Variants in COL13A1 observed in about 807,000 individuals in gnomAD.
The protein encoded by COL13A1 is collagen alpha-1(XIII) chain.
A neutral mutation model predicts 130.9 loss-of-function variants in COL13A1; 89 were observed. That is an observed-to-expected ratio of 0.68 (90% CI 0.57 to 0.81). The LOEUF (loss-of-function observed/expected upper bound fraction) is 0.81. Among genes scored for constraint, COL13A1 ranks in the 30% least tolerant of loss-of-function variants. COL13A1 has a pLI of 0.00. For missense variants in COL13A1, 879 were observed against 934.6 expected, an observed-to-expected ratio of 0.94 and a Z score of 0.78; for synonymous variants, 402 against 341.6, an observed-to-expected ratio of 1.18 and a Z score of -1.95.
In COL13A1 at chr10:69,925,794, T is replaced by G; in HGVS notation, c.1330-10T>G. 1 of 1,589,030 alleles carries G rather than the reference T, an allele frequency of 6.3e-7. No homozygotes were observed. Among genetic ancestry groups the G allele is most frequent in the Non-Finnish European group, 8.6e-7 (1 of 1,167,494 alleles). On this transcript the variant is annotated splice_polypyrimidine_tract_variant and intron_variant, in intron 25 of 40. Coordinates refer to ENST00000645393, the MANE Select transcript of COL13A1 (RefSeq NM_001368882.1). Reference sequence around the variant, plus strand: ...CCAGGCCGTGGGTTGAGATCTCATTTGCCTTCCAGGGCTCCAAGGGAGAAC... The same window carrying G: ...CCAGGCCGTGGGTTGAGATCTCATTGGCCTTCCAGGGCTCCAAGGGAGAAC...
chr10:69,919,235 G>C, intron 20 of COL13A1, 147 bp downstream of exon 20: 1 of 1,004,036 alleles, frequency 1.0e-6, no homozygotes, highest in Non-Finnish European at 1.5e-6. Context: ...CCACTGGTCA[G>C]GAGCACACTG....
intron 34 of COL13A1, among the ~76,000 whole-genome samples, chr10:69,940,745 G>C (rs916002828): frequency 6.6e-6 from 1 of 152,152 alleles, no homozygotes; most frequent in East Asian, 1.9e-4. Flanking sequence ...CATCTGCGCC[G>C]ACCTCCACCC....
intron 17 of COL13A1, among the ~76,000 whole-genome samples, chr10:69,909,235 G>A (rs1186408072): frequency 6.6e-6 from 1 of 152,128 alleles, no homozygotes; most frequent in Non-Finnish European, 1.5e-5. Flanking sequence ...CCACTCCTAG[G>A]TCTCATGAGG....
rs2065457477 is a variant in COL13A1, at chr10:69,927,025, G to A, written c.1399-62G>A. On this transcript the variant is annotated intron_variant, in intron 26 of 40. Transcript: ENST00000645393. ...TCCCATGTTTCCATGACTGTGCAGTGAGAACCTTCCACTTGGCTCTTGGTT... is the reference window on the plus strand; with the variant it reads ...TCCCATGTTTCCATGACTGTGCAGTAAGAACCTTCCACTTGGCTCTTGGTT... 4.3e-6 allele frequency: 7 copies of A among 1,611,438 alleles called. No individual in the cohort carries two copies. In the Admixed American group the frequency reaches 6.7e-5, roughly 15 times the overall value.
chr10:69,824,517 G>C (rs1199059548), intron 2 of COL13A1, among the ~76,000 whole-genome samples: 2 of 152,228 alleles, frequency 1.3e-5, no homozygotes, highest in African/African-American at 4.8e-5. Context: ...GTGGCAGGAG[G>C]GGGAAGGACT....
At chr10:69,944,966 G>C (rs75922838) in intron 36 of COL13A1, among the ~76,000 whole-genome samples, 3,314 of 152,356 alleles carry the variant, frequency 0.022, 82 homozygotes, top group South Asian at 0.099. Flanking sequence ...GTCGATGGAC[G>C]TTGGCCATGT....
intron 1 of COL13A1, among the ~76,000 whole-genome samples, chr10:69,814,863 A>T (rs1315013565): frequency 1.3e-5 from 2 of 152,250 alleles, no homozygotes; most frequent in Admixed American, 1.3e-4. Context: ...GGCATGCACT[A>T]ATAATGTCAA....
At chr10:69,807,078 C>A (rs1336942451) in intron 1 of COL13A1, among the ~76,000 whole-genome samples, 1 of 152,204 alleles carries the variant, frequency 6.6e-6, no homozygotes, top group Non-Finnish European at 1.5e-5. Flanking sequence ...AGGGTCTCAG[C>A]AGCCACCTTT....
intron 24 of COL13A1, among the ~76,000 whole-genome samples, chr10:69,924,201 A>G (rs148312990): frequency 1.3e-5 from 2 of 152,318 alleles, no homozygotes; most frequent in Non-Finnish European, 2.9e-5. Context: ...GTGGAGGAGA[A>G]AGAGAGTGGG....
At chr10:69,824,806 A>G (rs1383623160) in intron 2 of COL13A1, among the ~76,000 whole-genome samples, 2 of 152,266 alleles carry the variant, frequency 1.3e-5, no homozygotes, top group Non-Finnish European at 2.9e-5. Flanking sequence ...AGCATACATC[A>G]GAGCCAGTGG....
At chr10:69,912,957 A>AG (rs2063538645) in intron 17 of COL13A1, among the ~76,000 whole-genome samples, 1 of 152,214 alleles carries the variant, frequency 6.6e-6, no homozygotes, top group African/African-American at 2.4e-5. Flanking sequence ...ACCAGAACAG[A>AG]GGACCTATCA....
intron 40 of COL13A1, 62 bp from the exon 41 acceptor site, chr10:69,958,637 G>T: frequency 6.2e-7 from 1 of 1,611,480 alleles, no homozygotes; most frequent in South Asian, 1.1e-5. Flanking sequence ...TTCCTACAAA[G>T]GAAATAAACC....
chr10:69,822,394 G>T lies in COL13A1; in HGVS notation c.320G>T (p.Arg107Leu), dbSNP rs755258283. The change falls in exon 2 of 41, where the codon CGC becomes CTC. Residue 107 changes from arginine to leucine, a missense_variant. By Grantham distance (102) the Arg-to-Leu change is moderately radical. Around this residue, in one of 3 missense-constraint regions of COL13A1, gnomAD observed 715 missense variants for 721.0 expected, o/e 0.99. Coordinates refer to ENST00000645393, the MANE Select transcript of COL13A1 (RefSeq NM_001368882.1). ...AAATGGAAGCTCCACTCAAGGAGGCGCCGGGAGGCCCCAAAGACATCTCCA... is the reference window on the plus strand; with the variant it reads ...AAATGGAAGCTCCACTCAAGGAGGCTCCGGGAGGCCCCAAAGACATCTCCA... The part of the protein sequence containing the change: ...DEKWKLHSRR[R>L]REAPKTSPGC... The T allele has an allele frequency of 1.3e-6, 2 of 1,592,814 alleles. No homozygotes were observed. Among genetic ancestry groups the T allele is most frequent in the African/African-American group, 1.3e-5 (1 of 74,402 alleles).
chr10:69,841,868 C>A (rs1851692559), intron 2 of COL13A1, among the ~76,000 whole-genome samples: 2 of 152,164 alleles, frequency 1.3e-5, no homozygotes, highest in African/African-American at 4.8e-5. Flanking sequence ...AGCAGTGTGG[C>A]CTGGGCAGGG....
At chr10:69,816,298 T>C (rs145597572) in intron 1 of COL13A1, among the ~76,000 whole-genome samples, 1 of 149,416 alleles carries the variant, frequency 6.7e-6, no homozygotes, top group East Asian at 2.0e-4. Flanking sequence ...ACATCAATGA[T>C]AATTGTGAGG....
intron 2 of COL13A1, among the ~76,000 whole-genome samples, chr10:69,858,459 C>T (rs1857072172): frequency 6.6e-6 from 1 of 152,220 alleles, no homozygotes. Context: ...GAAATTTGAA[C>T]CTGTGGCTGT....
At chr10:69,922,850 C>A in intron 23 of COL13A1, 56 bp downstream of exon 23, 1 of 1,268,718 alleles carries the variant, frequency 7.9e-7, no homozygotes, top group Non-Finnish European at 1.1e-6. Flanking sequence ...ACTTTGTCTT[C>A]AGCCTGTTCT....
At chr10:69,902,695 C>T (rs569438382) in intron 14 of COL13A1, 53 bp from the exon 15 acceptor site, 39 of 1,444,712 alleles carry the variant, frequency 2.7e-5, no homozygotes, top group East Asian at 1.8e-4. Flanking sequence ...GGGTGGGGGA[C>T]GGTCTGCAGC....
rs142388749 is a variant in COL13A1, at chr10:69,865,617, T to C, written c.365-2181T>C. On this transcript the variant is annotated intron_variant, in intron 2 of 40. Transcript: ENST00000645393. ...CACAGCATTAGCTCACAAAGAGGAT[T>C]TTCCTGTTTCTGAAATCCCTGTAGG... 3.9e-3 allele frequency among the ~76,000 whole-genome samples: 598 copies of C among 152,334 alleles called. 3 individuals are homozygous for C. Among genetic ancestry groups the C allele is most frequent in the African/African-American group, 0.014 (573 of 41,570 alleles).
Sources: gnomAD v4.1 joint callset for allele counts (sites outside exome capture counted in the v4.1 genomes callset) on GRCh38, gnomAD v4.1.1 for gene constraint, gnomAD v4.1.1 regional missense constraint, MANE v1.5 for transcripts, NCBI Gene and HGNC (gene_info 2026-07-23, HGNC 2026-07-21) for gene names.